Variants in LARP1 observed in about 807,000 individuals in gnomAD.
The protein encoded by LARP1 is la-related protein 1.
In LARP1, 36 loss-of-function variants were observed where a neutral mutation model predicts 122.7. The observed-to-expected ratio is 0.29, with a 90% CI of 0.22 to 0.39. The LOEUF is 0.39. Ranked by LOEUF, LARP1 falls within the 10% of genes least tolerant of loss-of-function variation. The pLI is 1.00. For synonymous variants in LARP1, 539 were observed against 528.7 expected (o/e 1.02, Z -0.27); for missense variants, 1,040 against 1,403.6 (o/e 0.74, Z 4.14).
At chr5:154,744,487 A>T (rs1753072368) in intron 1 of LARP1, among the ~76,000 whole-genome samples, 1 of 152,134 alleles carries the variant, frequency 6.6e-6, no homozygotes, top group African/African-American at 2.4e-5. Context: ...ATCTAATCAC[A>T]TTTAAATTCA....
intron 1 of LARP1, among the ~76,000 whole-genome samples, chr5:154,715,347 C>G (rs1182425337): frequency 6.9e-6 from 1 of 145,818 alleles, no homozygotes; most frequent in Non-Finnish European, 1.5e-5. Flanking sequence ...TCACCGCAAC[C>G]TCCGCCTCCC....
chr5:154,706,050 C>A (rs1304821831), intron 1 of LARP1, among the ~76,000 whole-genome samples: 1 of 152,082 alleles, frequency 6.6e-6, no homozygotes. Flanking sequence ...AATCCCAGCA[C>A]TTTGGGAGGC....
At chr5:154,774,100 A>G (rs1432337277) in intron 1 of LARP1, among the ~76,000 whole-genome samples, 1 of 148,556 alleles carries the variant, frequency 6.7e-6, no homozygotes, top group Non-Finnish European at 1.5e-5. Context: ...TCAGTTTTTC[A>G]GCCTGTAAAA....
chr5:154,699,515 A>G (rs1451842335), intron 1 of LARP1, among the ~76,000 whole-genome samples: 3 of 152,118 alleles, frequency 2.0e-5, no homozygotes, highest in Admixed American at 2.0e-4. Flanking sequence ...AATTTAAATA[A>G]TTAAAACATA....
At chr5:154,742,183 G>A (rs576868127) in intron 1 of LARP1, among the ~76,000 whole-genome samples, 59 of 152,110 alleles carry the variant, frequency 3.9e-4, no homozygotes, top group Non-Finnish European at 6.8e-4. Context: ...GGTAGGAAAC[G>A]TTAGAAACTA....
chr5:154,728,050 A>G (rs929924009), intron 1 of LARP1, among the ~76,000 whole-genome samples: 2 of 152,224 alleles, frequency 1.3e-5, no homozygotes, highest in African/African-American at 4.8e-5. Flanking sequence ...CCTAGACAAC[A>G]GAGTGAAACT....
intron 1 of LARP1, among the ~76,000 whole-genome samples, chr5:154,695,329 A>G (rs1452254620): frequency 1.3e-5 from 2 of 151,988 alleles, no homozygotes; most frequent in Non-Finnish European, 2.9e-5. Context: ...GAAAAAAAAG[A>G]AAAAGCACTT....
At chr5:154,700,919 A>G (rs1186063366) in intron 1 of LARP1, among the ~76,000 whole-genome samples, 4 of 151,864 alleles carry the variant, frequency 2.6e-5, no homozygotes, top group African/African-American at 9.7e-5. Context: ...AAATCACGCC[A>G]CTGCACTCCA....
Position 154,813,871 on chromosome 5 carries a change from C to G in LARP1, c.3082-16C>G. The G allele has an allele frequency of 1.2e-6, 2 of 1,611,160 alleles. No individual in the cohort carries two copies. The highest frequency in any genetic ancestry group is 4.5e-5 in the East Asian group (2 of 44,846). ...ATAGTGCTTCTGATCACCTGTGACT[C>G]CTTCCTCTGTTGCAGCCCCCCATGG... On this transcript the variant is annotated splice_polypyrimidine_tract_variant and intron_variant, in intron 18 of 18. Coordinates refer to ENST00000518297, the MANE Select transcript of LARP1 (RefSeq NM_033551.3).
At chr5:154,774,584 G>T (rs1050250880) in intron 1 of LARP1, among the ~76,000 whole-genome samples, 1 of 152,222 alleles carries the variant, frequency 6.6e-6, no homozygotes, top group African/African-American at 2.4e-5. Flanking sequence ...CCTTTGGGAA[G>T]ACTTAATCTC....
chr5:154,783,984 G>C (rs1756674733), intron 1 of LARP1, among the ~76,000 whole-genome samples: 1 of 152,228 alleles, frequency 6.6e-6, no homozygotes. Context: ...GCGCAGCACT[G>C]ATATCAGGCA....
At chr5:154,796,209 G>A (rs936122190) in intron 8 of LARP1, among the ~76,000 whole-genome samples, 3 of 128,022 alleles carry the variant, frequency 2.3e-5, no homozygotes, top group African/African-American at 3.3e-5. Flanking sequence ...TATAGTTTGT[G>A]AGAATCAGAA....
intron 1 of LARP1, among the ~76,000 whole-genome samples, chr5:154,717,212 C>G (rs1440943485): frequency 6.6e-6 from 1 of 152,138 alleles, no homozygotes; most frequent in Non-Finnish European, 1.5e-5. Context: ...ACTTGAGCTG[C>G]TGCTTTTAAA....
rs1192958920 is a variant in LARP1 at position 154,816,045 on chromosome 5, C to A, written c.*1949C>A. Reference sequence around the variant, plus strand: ...CAGGCTGACAAGGGCTTGCCCTTTACCTTGGGCACCTTGTTAATTTTTAGC... The same window carrying A: ...CAGGCTGACAAGGGCTTGCCCTTTAACTTGGGCACCTTGTTAATTTTTAGC... On this transcript the variant is annotated 3_prime_UTR_variant, in exon 19 of 19. Transcript: ENST00000518297. The A allele has an allele frequency of 6.6e-6, 1 of 152,520 alleles. No individual in the cohort carries two copies. Among genetic ancestry groups the A allele is most frequent in the Non-Finnish European group, 1.5e-5 (1 of 68,064 alleles). 9.4% of individuals were successfully genotyped at this position (152,520 alleles called of 1,614,324 possible). A position where few individuals can be genotyped will look rare whatever the true frequency, so the allele number is the denominator to read the frequency against.
chr5:154,700,171 T>C (rs1170374840), intron 1 of LARP1, among the ~76,000 whole-genome samples: 1 of 152,158 alleles, frequency 6.6e-6, no homozygotes, highest in Non-Finnish European at 1.5e-5. Flanking sequence ...TTTAATACAA[T>C]ATTTTAAAAA....
At chr5:154,768,140 A>G (rs1755100774) in intron 1 of LARP1, among the ~76,000 whole-genome samples, 1 of 152,192 alleles carries the variant, frequency 6.6e-6, no homozygotes, top group African/African-American at 2.4e-5. Context: ...GTCAAGTAGT[A>G]ACTTTTAACA....
At chr5:154,775,199 C>G (rs765608053) in intron 1 of LARP1, among the ~76,000 whole-genome samples, 1 of 152,172 alleles carries the variant, frequency 6.6e-6, no homozygotes, top group Non-Finnish European at 1.5e-5. Flanking sequence ...ACTTGGGTGG[C>G]TGATCCAGGA....
In LARP1 at chr5:154,803,937, A is replaced by G. The variant is rs816717; in HGVS notation, c.2439+192A>G. Among the ~76,000 whole-genome samples, 24,949 of 152,122 alleles carry G rather than the reference A, an allele frequency of 0.16. 2,654 individuals carry two copies. The highest frequency in any genetic ancestry group is 0.3 in the African/African-American group (12,524 of 41,448). On this transcript the variant is annotated intron_variant, in intron 13 of 18. Coordinates refer to ENST00000518297, the MANE Select transcript of LARP1 (RefSeq NM_033551.3). This position sits in a 1 kb window ranked among gnomAD's most constrained non-coding sequence, Gnocchi z 4.4. Reference sequence around the variant, plus strand: ...AAAATATACTGGGTGTGGGAGTGGTAACCCCATGTTGAAAGGCCTAAGGAG... The same window carrying G: ...AAAATATACTGGGTGTGGGAGTGGTGACCCCATGTTGAAAGGCCTAAGGAG...
At chr5:154,794,056 G>C in intron 6 of LARP1, 44 bp from the exon 7 acceptor site, 1 of 1,611,656 alleles carries the variant, frequency 6.2e-7, no homozygotes, top group South Asian at 1.1e-5. Flanking sequence ...CAGGGGTGGT[G>C]GGCAGGAATC....
Sources: allele counts gnomAD v4.1 joint callset (sites outside exome capture counted in the v4.1 genomes callset), GRCh38; gene constraint gnomAD v4.1.1; non-coding constraint Gnocchi (gnomAD v3.1); transcripts MANE v1.5; gene names NCBI Gene and HGNC (gene_info 2026-07-23, HGNC 2026-07-21).